Variants in CACYBP observed in about 807,000 individuals in gnomAD.
The protein encoded by CACYBP is calcyclin binding protein.
Under a neutral mutation model 29.6 loss-of-function variants are expected in CACYBP, and 11 were observed. The ratio of observed to expected loss-of-function variants is 0.37; its 90% CI spans 0.23 to 0.61. The LOEUF is 0.61. Ranked by LOEUF, CACYBP falls within the 20% of genes least tolerant of loss-of-function variation. CACYBP has a pLI of 0.65. For missense variants in CACYBP, 163 were observed against 260.7 expected, an observed-to-expected ratio of 0.63 and a Z score of 2.58; for synonymous variants, 73 against 88.3, an observed-to-expected ratio of 0.83 and a Z score of 0.97.
In CACYBP at chr1:175,011,252, G is replaced by GTAAA. The variant is rs964290532; in HGVS notation, c.*1176_*1179dup. ...CAGTTTATGTATAGGATAGCTATAA[G>GTAAA]TAAATACTGAAACACATTATGCCTC... On this transcript the variant is annotated 3_prime_UTR_variant, in exon 6 of 6. Transcript: ENST00000367679. 1.3e-5 allele frequency: 2 copies of GTAAA among 152,038 alleles called. No homozygotes were observed. The highest frequency in any genetic ancestry group is 6.6e-5 in the Admixed American group (1 of 15,252). The allele number at this position is 152,038 out of a possible 1,614,324, so 9.4% of individuals were successfully genotyped here. A position where few individuals can be genotyped will look rare whatever the true frequency, so the allele number is the denominator to read the frequency against.
rs148437531 is a variant in CACYBP, at chr1:175,005,378, G to A, written c.235+545G>A. ...GGTGTATACAGTTTTTTGTTTTGGCGGCAGCGCAACTTGAATATGAATGAT... is the reference window on the plus strand; with the variant it reads ...GGTGTATACAGTTTTTTGTTTTGGCAGCAGCGCAACTTGAATATGAATGAT... On this transcript the variant is annotated intron_variant, in intron 2 of 5. Coordinates refer to ENST00000367679, the MANE Select transcript of CACYBP (RefSeq NM_014412.3). Among the ~76,000 whole-genome samples, 25 of 152,150 alleles carry A rather than the reference G, an allele frequency of 1.6e-4. No individual in the cohort carries two copies. The East Asian group carries it at 3.9e-3, about 23-fold the overall frequency.
intron 2 of CACYBP, 51 bp downstream of exon 2, chr1:175,004,884 C>G: frequency 2.6e-6 from 3 of 1,146,850 alleles, no homozygotes; most frequent in Non-Finnish European, 4.0e-6. Context: ...ACCTATTCCT[C>G]ATAGTGGTCT....
At chr1:175,002,090 C>T (rs2149409859) in intron 1 of CACYBP, among the ~76,000 whole-genome samples, 1 of 152,292 alleles carries the variant, frequency 6.6e-6, no homozygotes, top group East Asian at 1.9e-4. Context: ...GCTGCGAGTA[C>T]TGTATCCAAG....
intron 4 of CACYBP, among the ~76,000 whole-genome samples, chr1:175,007,899 A>C (rs1672655965): frequency 6.6e-6 from 1 of 152,214 alleles, no homozygotes; most frequent in South Asian, 2.1e-4. Context: ...TGAATAAATG[A>C]AGTTTAATGC....
At position 175,010,420 on chromosome 1, in the gene CACYBP, T is replaced by C. The variant is rs1311057277; in HGVS notation, c.*341T>C. 1 of 162,896 alleles carries C rather than the reference T, an allele frequency of 6.1e-6. No homozygotes were observed. The highest frequency in any genetic ancestry group is 6.4e-5 in the Admixed American group (1 of 15,708). 10.1% of individuals were successfully genotyped at this position (162,896 alleles called of 1,614,324 possible). On this transcript the variant is annotated 3_prime_UTR_variant, in exon 6 of 6. Coordinates refer to ENST00000367679, the MANE Select transcript of CACYBP (RefSeq NM_014412.3). ...AGCTAAGAATTGGAAAAGTATTTGC[T>C]TGCCTTTTAAGTTACTGACATCAGC...
At chr1:175,003,384 A>C (rs763472536) in intron 1 of CACYBP, among the ~76,000 whole-genome samples, 10 of 152,124 alleles carry the variant, frequency 6.6e-5, no homozygotes, top group Admixed American at 1.3e-4. Context: ...CTCCCAAAGT[A>C]CTGGGATTAC....
At chr1:175,007,298 C>T in intron 4 of CACYBP, 101 bp downstream of exon 4, 2 of 695,788 alleles carry the variant, frequency 2.9e-6, no homozygotes, top group Non-Finnish European at 5.1e-6. Flanking sequence ...TCCTCTGTAA[C>T]AGGGACCACC....
chr1:175,008,897 T>G (rs1672681341), intron 5 of CACYBP, 191 bp downstream of exon 5: 2 of 550,744 alleles, frequency 3.6e-6, no homozygotes, highest in East Asian at 6.0e-5. Context: ...TTCTTAACCC[T>G]AGGCGCAGTT....
chr1:175,001,337 A>G (rs1672483911), intron 1 of CACYBP, among the ~76,000 whole-genome samples: 1 of 152,230 alleles, frequency 6.6e-6, no homozygotes, highest in Non-Finnish European at 1.5e-5. Context: ...ATAAAATTCA[A>G]GTTTTTAACC....
intron 4 of CACYBP, 56 bp from the exon 5 acceptor site, chr1:175,008,553 T>C (rs2149411920): frequency 1.2e-6 from 1 of 824,418 alleles, no homozygotes; most frequent in African/African-American, 1.7e-5. Context: ...TTTATAAATA[T>C]TCATGCTTAT....
intron 4 of CACYBP, among the ~76,000 whole-genome samples, chr1:175,007,885 A>C (rs1383262298): frequency 6.6e-6 from 1 of 152,234 alleles, no homozygotes; most frequent in Non-Finnish European, 1.5e-5. Context: ...TTTTCTGCCT[A>C]ATGTGAATAA....
At chr1:175,003,308 G>A (rs938268817) in intron 1 of CACYBP, among the ~76,000 whole-genome samples, 3 of 152,044 alleles carry the variant, frequency 2.0e-5, no homozygotes, top group Admixed American at 1.3e-4. Flanking sequence ...AAGTAGAGAC[G>A]GGCTTTCGCC....
chr1:174,999,746 G>A, upstream of CACYBP: 1 of 267,532 alleles, frequency 3.7e-6, no homozygotes, highest in Non-Finnish European at 7.3e-6. Flanking sequence ...ACTGCGCAGC[G>A]TGGCCCAGCG....
At position 175,012,018 on chromosome 1, in the gene CACYBP, C is replaced by G. The variant is rs144461962; in HGVS notation, c.*1939C>G. On this transcript the variant is annotated 3_prime_UTR_variant, in exon 6 of 6. Transcript: ENST00000367679. Reference sequence around the variant, plus strand: ...ACTCGGGAGACTGAAGGACAAGAATCACTTGAACCTGGGAAGCCGAGGGAC... The same window carrying G: ...ACTCGGGAGACTGAAGGACAAGAATGACTTGAACCTGGGAAGCCGAGGGAC... 2.3e-4 allele frequency among the ~76,000 whole-genome samples: 35 copies of G among 152,300 alleles called. No homozygotes were observed. Among genetic ancestry groups the G allele is most frequent in the African/African-American group, 8.4e-4 (35 of 41,562 alleles).
At chr1:175,004,523 G>A in intron 1 of CACYBP, 91 bp from the exon 2 acceptor site, 1 of 749,018 alleles carries the variant, frequency 1.3e-6, no homozygotes, top group Non-Finnish European at 2.1e-6. Flanking sequence ...AATTCTTAGT[G>A]CTTATTTCAG....
At position 175,000,210 on chromosome 1, in the gene CACYBP, C is replaced by T. The variant is rs763144287; in HGVS notation, c.15+15C>T. ...CTTCAGAAGAGGTAAGTGGTCCGGC[C>T]CCATATTCCTTATGCCCCCCGGCTG... On this transcript the variant is annotated intron_variant, in intron 1 of 5. Coordinates refer to ENST00000367679, the MANE Select transcript of CACYBP (RefSeq NM_014412.3). The T allele has an allele frequency of 3.1e-6, 5 of 1,603,448 alleles. No individual in the cohort carries two copies. The highest frequency in any genetic ancestry group is 1.7e-5 in the Admixed American group (1 of 59,154).
chr1:175,000,660 C>T, intron 1 of CACYBP: 3 of 966,312 alleles, frequency 3.1e-6, no homozygotes, highest in Non-Finnish European at 3.7e-6. Flanking sequence ...ACACGAGGAG[C>T]TGTGTTACTC....
In CACYBP at chr1:175,010,058, C is replaced by T; in HGVS notation, c.666C>T (p.Ala222=). The change falls in exon 6 of 6, where the codon GCC becomes GCT. Residue 222 remains alanine (A), a synonymous_variant. Transcript: ENST00000367679. ...KAWVESREKQ[A]KGDTEF ...GGGTGGAATCAAGAGAGAAGCAAGC[C>T]AAAGGAGACACGGAATTTTGAGACT... is the stretch of plus-strand genomic sequence containing the variant. The T allele has an allele frequency of 6.2e-7, 1 of 1,612,832 alleles. No individual in the cohort carries two copies. Among genetic ancestry groups the T allele is most frequent in the Non-Finnish European group, 8.5e-7 (1 of 1,179,474 alleles).
rs1313158584 is a variant in CACYBP at position 175,000,039 on chromosome 1, C to A, written c.-142C>A. Reference sequence around the variant, plus strand: ...GTGCGGGAGGCGGGCCGCGATCTTGCGCAGGGTCGGTGTGGGCGCAGGCTG... The same window carrying A: ...GTGCGGGAGGCGGGCCGCGATCTTGAGCAGGGTCGGTGTGGGCGCAGGCTG... On this transcript the variant is annotated 5_prime_UTR_variant, in exon 1 of 6. Transcript: ENST00000367679. 6 of 1,221,386 alleles carry A rather than the reference C, an allele frequency of 4.9e-6. No individual in the cohort carries two copies. The highest frequency in any genetic ancestry group is 2.0e-5 in the Admixed American group (1 of 49,686). 75.7% of individuals were successfully genotyped at this position (1,221,386 alleles called of 1,614,324 possible). A position where few individuals can be genotyped will look rare whatever the true frequency, so the allele number is the denominator to read the frequency against.
Sources: gnomAD v4.1 joint callset for allele counts (sites outside exome capture counted in the v4.1 genomes callset) on GRCh38, gnomAD v4.1.1 for gene constraint, MANE v1.5 for transcripts, NCBI Gene and HGNC (gene_info 2026-07-23, HGNC 2026-07-21) for gene names.